The following TTC39B variants were observed in gnomAD, a reference collection of about 807,000 sequenced individuals.
TTC39B encodes tetratricopeptide repeat domain 39B.
Under a neutral mutation model 96.6 loss-of-function variants are expected in TTC39B, and 92 were observed. The ratio of observed to expected loss-of-function variants is 0.95; its 90% confidence interval spans 0.80 to 1.13. TTC39B has a LOEUF of 1.13. Among genes scored for constraint, TTC39B ranks in the 50% most tolerant of loss-of-function variants. The probability of loss-of-function intolerance (pLI) is 0.00; values close to 1 mark genes in which losing one functional copy is unlikely to be tolerated. For missense variants in TTC39B, 955 were observed against 809.3 expected (o/e 1.18, Z -2.18); for synonymous variants, 367 against 299.4 (o/e 1.23, Z -2.33).
intron 2 of TTC39B, among the ~76,000 whole-genome samples, chr9:15,229,211 G>A (rs963209077): frequency 6.6e-6 from 1 of 152,154 alleles, no homozygotes; most frequent in South Asian, 2.1e-4. Flanking sequence ...TTTGTGTACA[G>A]TCTGAGCTAC....
intron 2 of TTC39B, among the ~76,000 whole-genome samples, chr9:15,253,657 C>T (rs1175360680): frequency 6.6e-6 from 1 of 152,308 alleles, no homozygotes; most frequent in Non-Finnish European, 1.5e-5. Flanking sequence ...TGTCCCTTTG[C>T]CAATATTATC....
At chr9:15,215,452 G>A (rs764429031) in intron 3 of TTC39B, among the ~76,000 whole-genome samples, 1 of 151,402 alleles carries the variant, frequency 6.6e-6, no homozygotes, top group South Asian at 2.1e-4. Context: ...AGCTACTCGG[G>A]AGGCTGAGGC....
chr9:15,256,711 C>A (rs1287449709), intron 2 of TTC39B, among the ~76,000 whole-genome samples: 1 of 152,112 alleles, frequency 6.6e-6, no homozygotes, highest in Non-Finnish European at 1.5e-5. Context: ...TGGAGGATGG[C>A]CAGCAAAAAG....
At chr9:15,237,409 A>G (rs1821834765) in intron 2 of TTC39B, among the ~76,000 whole-genome samples, 1 of 152,178 alleles carries the variant, frequency 6.6e-6, no homozygotes, top group Admixed American at 6.5e-5. Context: ...AAAATAAAAG[A>G]GAAGATTCAA....
At chr9:15,213,371 C>G (rs901977638) in intron 4 of TTC39B, among the ~76,000 whole-genome samples, 1 of 152,206 alleles carries the variant, frequency 6.6e-6, no homozygotes, top group Non-Finnish European at 1.5e-5. Context: ...ACCTGTGAAA[C>G]AATAGCTGAC....
At chr9:15,287,103 G>A (rs1485484453) in intron 1 of TTC39B, among the ~76,000 whole-genome samples, 3 of 152,052 alleles carry the variant, frequency 2.0e-5, no homozygotes, top group Admixed American at 6.5e-5. Context: ...GGATATTGGG[G>A]GTCTGCTTGA....
intron 17 of TTC39B, among the ~76,000 whole-genome samples, chr9:15,180,675 A>AT (rs541274583): frequency 5.9e-5 from 9 of 152,196 alleles, no homozygotes; most frequent in African/African-American, 2.2e-4. Context: ...ACTTCTCTCC[A>AT]TTTTCCAACT....
chr9:15,307,150 CA>C lies in TTC39B; in HGVS notation c.173del (p.Leu58TrpfsTer13), dbSNP rs1197965990. Reference sequence around the variant, plus strand: ...TATTCCTCCTCTGGCTGCTGCCACCCAAAAACCAAGCAGGGAACTCAGAGCC... The same window carrying C: ...TATTCCTCCTCTGGCTGCTGCCACCCAAAACCAAGCAGGGAACTCAGAGCC... On this transcript the variant is annotated frameshift_variant, in exon 1 of 20. Coordinates refer to ENST00000512701, the Ensembl canonical transcript of TTC39B. LOFTEE classifies it high-confidence loss of function. 2.5e-6 allele frequency: 4 copies of C among 1,606,434 alleles called. No homozygotes were observed. The highest frequency in any genetic ancestry group is 2.2e-5 in the East Asian group (1 of 44,670).
At chr9:15,251,996 T>C (rs925281169) in intron 2 of TTC39B, among the ~76,000 whole-genome samples, 2 of 151,918 alleles carry the variant, frequency 1.3e-5, no homozygotes, top group East Asian at 3.9e-4. Flanking sequence ...CTCAGTCCAG[T>C]TGGGGAGCCA....
chr9:15,305,979 T>C (rs1824740655), intron 1 of TTC39B, among the ~76,000 whole-genome samples: 1 of 152,144 alleles, frequency 6.6e-6, no homozygotes, highest in Admixed American at 6.6e-5. Context: ...CTCTCTGTCA[T>C]GCAGAGGAGC....
At chr9:15,253,974 G>A (rs1403913517) in intron 2 of TTC39B, among the ~76,000 whole-genome samples, 4 of 152,054 alleles carry the variant, frequency 2.6e-5, no homozygotes, top group African/African-American at 9.7e-5. Flanking sequence ...CCTGGCCCCT[G>A]GCTCAGTGTC....
intron 5 of TTC39B, among the ~76,000 whole-genome samples, chr9:15,210,716 T>C (rs963377777): frequency 2.6e-5 from 4 of 152,304 alleles, no homozygotes; most frequent in African/African-American, 7.2e-5. Flanking sequence ...TATTCCTAAA[T>C]GTCCACAAAC....
At chr9:15,226,969 GTGTT>G (rs1564366478) in intron 2 of TTC39B, among the ~76,000 whole-genome samples, 1 of 151,006 alleles carries the variant, frequency 6.6e-6, no homozygotes, top group African/African-American at 2.4e-5. Flanking sequence ...GAAGTTTTGC[GTGTT>G]TTTTTGTGGT....
At position 15,218,635 on chromosome 9, in the gene TTC39B, A is replaced by AAAATATAT. The variant is rs374054306; in HGVS notation, c.372-4387_372-4386insATATATTT. 6.0e-5 allele frequency among the ~76,000 whole-genome samples: 9 copies of AAAATATAT among 149,526 alleles called. No homozygotes were observed. The South Asian group carries it at 8.4e-4, about 14-fold the overall frequency. On this transcript the variant is annotated intron_variant, in intron 3 of 19. Coordinates refer to ENST00000512701, the Ensembl canonical transcript of TTC39B. Reference sequence around the variant, plus strand: ...AGGATGAATTTTTTAGTCTATTTTAAATATATATATATAATGAACACATAA... The same window carrying AAAATATAT: ...AGGATGAATTTTTTAGTCTATTTTAAAAATATATATATATATATATAATGAACACATAA...
intron 19 of TTC39B, among the ~76,000 whole-genome samples, chr9:15,172,565 C>T (rs1319190180): frequency 2.6e-5 from 4 of 152,094 alleles, no homozygotes; most frequent in South Asian, 2.1e-4. Context: ...TACTTAATGA[C>T]GTCAAAATTA....
chr9:15,240,502 T>G (rs1821990581), intron 2 of TTC39B, among the ~76,000 whole-genome samples: 2 of 152,324 alleles, frequency 1.3e-5, no homozygotes, highest in Admixed American at 6.5e-5. Flanking sequence ...TTTCAATGTT[T>G]TTTTTTCAAT....
At chr9:15,189,679 C>T (rs753677120) in intron 12 of TTC39B, 46 bp from the exon 13 acceptor site, 4 of 1,613,848 alleles carry the variant, frequency 2.5e-6, no homozygotes, top group Non-Finnish European at 3.4e-6. Context: ...TCAACACTGG[C>T]TGATTAATTA....
intron 2 of TTC39B, chr9:15,250,176 A>C: frequency 8.4e-7 from 1 of 1,189,988 alleles, no homozygotes; most frequent in Non-Finnish European, 1.1e-6. Context: ...AAGACATGTC[A>C]GTTAAAGTGG....
At chr9:15,214,897 C>T (rs975411049) in intron 3 of TTC39B, among the ~76,000 whole-genome samples, 6 of 152,042 alleles carry the variant, frequency 3.9e-5, no homozygotes, top group African/African-American at 1.2e-4. Context: ...TTTTGTGTAA[C>T]GACTTGCAAA....
Sources: allele counts gnomAD v4.1 joint callset (sites outside exome capture counted in the v4.1 genomes callset), GRCh38; gene constraint gnomAD v4.1.1; transcripts MANE v1.5; gene names NCBI Gene and HGNC (gene_info 2026-07-23, HGNC 2026-07-21).